The following SHISA9 variants were observed in gnomAD, a reference collection of about 807,000 sequenced individuals.
SHISA9 encodes the protein protein shisa-9.
In SHISA9, 13 loss-of-function variants were observed where a neutral mutation model predicts 38.0. That is an observed-to-expected ratio of 0.34 (90% CI 0.22 to 0.54). SHISA9 has a LOEUF of 0.54. Ranked by LOEUF, SHISA9 falls within the 20% of genes least tolerant of loss-of-function variation. The pLI, the probability that SHISA9 is intolerant of heterozygous loss-of-function variation, is 0.91. For missense variants in SHISA9, 538 were observed against 575.8 expected, an observed-to-expected ratio of 0.93 and a Z score of 0.67; for synonymous variants, 275 against 242.0, an observed-to-expected ratio of 1.14 and a Z score of -1.27.
At chr16:13,207,356 A>G (rs2051075088) in intron 3 of SHISA9, among the ~76,000 whole-genome samples, 1 of 152,168 alleles carries the variant, frequency 6.6e-6, no homozygotes, top group Non-Finnish European at 1.5e-5. Context: ...TGCATTTGGG[A>G]TTAAATTTTC....
chr16:13,472,635 G>A, the SHISA9 span, among the ~76,000 whole-genome samples: 794 of 151,852 alleles, frequency 5.2e-3, 7 homozygotes, highest in African/African-American at 0.018. Context: ...CTCGTGATCC[G>A]CCCACCTCGG....
intron 2 of SHISA9, among the ~76,000 whole-genome samples, chr16:13,152,481 C>G (rs2050507976): frequency 6.6e-6 from 1 of 152,158 alleles, no homozygotes; most frequent in Admixed American, 6.5e-5. Context: ...AGAAGATGTT[C>G]TAGAGAATCA....
intron 2 of SHISA9, among the ~76,000 whole-genome samples, chr16:13,042,525 G>C (rs1310133643): frequency 6.6e-6 from 1 of 152,198 alleles, no homozygotes; most frequent in East Asian, 1.9e-4. Context: ...GTCTTCCCAA[G>C]CCAAGAACAG....
the SHISA9 span, among the ~76,000 whole-genome samples, chr16:13,357,294 G>A: frequency 6.6e-6 from 1 of 152,150 alleles, no homozygotes; most frequent in African/African-American, 2.4e-5. Flanking sequence ...TGTCTCTTTT[G>A]TCTCTACTAG....
the SHISA9 span, among the ~76,000 whole-genome samples, chr16:13,349,565 G>A: frequency 6.6e-6 from 1 of 152,234 alleles, no homozygotes; most frequent in African/African-American, 2.4e-5. Flanking sequence ...TAGCATTTCT[G>A]TTGCAACAAG....
chr16:13,436,936 CAA>C, the SHISA9 span, among the ~76,000 whole-genome samples: 2 of 152,294 alleles, frequency 1.3e-5, no homozygotes, highest in East Asian at 3.9e-4. Context: ...CAGTTCAAAG[CAA>C]AGTCTTAAAT....
the SHISA9 span, chr16:13,562,927 A>C: frequency 6.6e-6 from 1 of 152,174 alleles, no homozygotes; most frequent in Non-Finnish European, 1.5e-5. Context: ...AAAGCTGTAA[A>C]CCAATGTTTC....
At chr16:13,491,858 T>TTTTTTC in the SHISA9 span, among the ~76,000 whole-genome samples, 2 of 123,486 alleles carry the variant, frequency 1.6e-5, no homozygotes, top group African/African-American at 3.2e-5. Context: ...TTTTTTTTTT[T>TTTTTTC]AGAGATAGGG....
chr16:13,009,145 C>G (rs930170030), intron 2 of SHISA9, among the ~76,000 whole-genome samples: 14 of 151,544 alleles, frequency 9.2e-5, no homozygotes, highest in Non-Finnish European at 4.4e-5. Context: ...ATGGTGGGCA[C>G]TGTTTTAAAC....
chr16:13,388,922 C>G, the SHISA9 span, among the ~76,000 whole-genome samples: 1 of 152,030 alleles, frequency 6.6e-6, no homozygotes, highest in Non-Finnish European at 1.5e-5. Context: ...ATTTTATAGA[C>G]ATTATTTTTT....
chr16:13,304,669 G>A, the SHISA9 span, among the ~76,000 whole-genome samples: 9 of 152,284 alleles, frequency 5.9e-5, no homozygotes, highest in South Asian at 4.1e-4. Flanking sequence ...GAGTGTTTAC[G>A]TGTGTTTTTT....
At chr16:13,113,125 G>T (rs142516269) in intron 2 of SHISA9, among the ~76,000 whole-genome samples, 16 of 144,902 alleles carry the variant, frequency 1.1e-4, no homozygotes, top group African/African-American at 3.8e-4. Flanking sequence ...CACGAGAATC[G>T]CTTCAACCCA....
At chr16:13,547,845 T>C in the SHISA9 span, among the ~76,000 whole-genome samples, 3 of 139,338 alleles carry the variant, frequency 2.2e-5, no homozygotes, top group Non-Finnish European at 4.7e-5. Flanking sequence ...AAAGACATTC[T>C]TCACAGAAAT....
At chr16:13,137,864 TG>T (rs1283134419) in intron 2 of SHISA9, among the ~76,000 whole-genome samples, 1 of 152,246 alleles carries the variant, frequency 6.6e-6, no homozygotes, top group East Asian at 1.9e-4. Flanking sequence ...TTTGTCCAGC[TG>T]TTTCTTTGCC....
In SHISA9 at chr16:13,171,202, A is replaced by C. The variant is rs146279115; in HGVS notation, c.692-32192A>C. ...CAACCAGATCTCTTGTGAACTCATT[A>C]AGGTGGTGGAGAGGGTACCAAGCCA... On this transcript the variant is annotated intron_variant, in intron 2 of 4. Transcript: ENST00000558583. 2.6e-3 allele frequency among the ~76,000 whole-genome samples: 393 copies of C among 152,184 alleles called. 2 individuals carry two copies. Among genetic ancestry groups the C allele is most frequent in the African/African-American group, 9.0e-3 (373 of 41,528 alleles).
intron 2 of SHISA9, among the ~76,000 whole-genome samples, chr16:13,168,308 G>C (rs1044596105): frequency 1.3e-5 from 2 of 152,172 alleles, no homozygotes; most frequent in African/African-American, 4.8e-5. Context: ...AAGTCCAGTA[G>C]CTTAATTCCT....
the SHISA9 span, among the ~76,000 whole-genome samples, chr16:13,406,358 C>A: frequency 1.6e-4 from 25 of 152,264 alleles, no homozygotes; most frequent in African/African-American, 5.3e-4. Context: ...TCTTCTCAAC[C>A]CCTTTTTTGG....
At chr16:13,095,244 C>G (rs745986347) in intron 2 of SHISA9, among the ~76,000 whole-genome samples, 1 of 152,200 alleles carries the variant, frequency 6.6e-6, no homozygotes, top group Non-Finnish European at 1.5e-5. Context: ...CCTGTCTCTG[C>G]TTTAGGGACA....
intron 2 of SHISA9, among the ~76,000 whole-genome samples, chr16:13,135,282 A>G (rs1316352387): frequency 1.3e-5 from 2 of 152,244 alleles, no homozygotes; most frequent in Admixed American, 6.5e-5. Context: ...ACCAATAGTT[A>G]TCACTAGTTT....
Sources: gnomAD v4.1 joint callset for allele counts (sites outside exome capture counted in the v4.1 genomes callset) on GRCh38, gnomAD v4.1.1 for gene constraint, MANE v1.5 for transcripts, NCBI Gene and HGNC (gene_info 2026-07-23, HGNC 2026-07-21) for gene names.